GSK3B: variants seen among roughly 807,000 people sequenced by gnomAD.
GSK3B encodes the protein glycogen synthase kinase 3 beta, also known as glycogen synthase kinase-3 beta.
GSK3B carries 15 observed loss-of-function variants against 56.4 expected under a neutral mutation model. The observed-to-expected ratio is 0.27, with a 90% CI of 0.18 to 0.41. The LOEUF (loss-of-function observed/expected upper bound fraction) is 0.41, where lower values mean the gene tolerates loss of function less well. Among genes scored for constraint, GSK3B ranks in the 10% least tolerant of loss-of-function variants. The pLI is 1.00. For synonymous variants in GSK3B, 181 were observed against 188.9 expected (o/e 0.96, Z 0.34); for missense variants, 300 against 513.4 (o/e 0.58, Z 4.02).
At chr3:119,949,011 T>C (rs73175864) in intron 2 of GSK3B, among the ~76,000 whole-genome samples, 2 of 152,174 alleles carry the variant, frequency 1.3e-5, no homozygotes, top group African/African-American at 4.8e-5. Context: ...CTCTATACTT[T>C]GTTAATTCAC....
rs529983244 is a variant in GSK3B at position 119,887,748 on chromosome 3, C to T, written c.814-11240G>A. On this transcript the variant is annotated intron_variant, in intron 7 of 10. Coordinates refer to ENST00000264235, the MANE Select transcript of GSK3B (RefSeq NM_001146156.2). ...ATAAAAACCATGATTATCCCACAAA[C>T]ACAAGAAGTTCAATGAACCTTAATG... Among the ~76,000 whole-genome samples, 82 of 152,092 alleles carry T rather than the reference C, an allele frequency of 5.4e-4. 2 individuals are homozygous for T. The South Asian group carries it at 0.016, about 29-fold the overall frequency.
At chr3:120,070,794 T>G (rs1378193507) in intron 1 of GSK3B, among the ~76,000 whole-genome samples, 1 of 152,238 alleles carries the variant, frequency 6.6e-6, no homozygotes, top group African/African-American at 2.4e-5. Flanking sequence ...GAGTAAAGTC[T>G]AATAGACAGC....
chr3:119,856,643 G>T (rs1338037847), intron 9 of GSK3B, among the ~76,000 whole-genome samples: 3 of 152,060 alleles, frequency 2.0e-5, no homozygotes, highest in Non-Finnish European at 4.4e-5. Context: ...TCCCTGTGGT[G>T]TGTCTCCACT....
chr3:120,033,681 A>C (rs2873968), intron 1 of GSK3B, among the ~76,000 whole-genome samples: 146,344 of 152,220 alleles, frequency 0.96, 70,382 homozygotes, highest in East Asian at 1. Flanking sequence ...TGGGAGTTGA[A>C]TGAATCATGG....
chr3:119,866,903 T>C (rs2056191699), intron 8 of GSK3B, among the ~76,000 whole-genome samples: 1 of 152,150 alleles, frequency 6.6e-6, no homozygotes, highest in Non-Finnish European at 1.5e-5. Flanking sequence ...TAGTTTATTA[T>C]GTTCCAATGC....
At chr3:119,977,079 TA>T (rs1447514123) in intron 2 of GSK3B, among the ~76,000 whole-genome samples, 2 of 152,132 alleles carry the variant, frequency 1.3e-5, no homozygotes, top group Admixed American at 6.5e-5. Context: ...AAGGAGGCAA[TA>T]AAACTATATA....
intron 1 of GSK3B, among the ~76,000 whole-genome samples, chr3:120,015,300 T>C (rs2057814310): frequency 1.3e-5 from 2 of 152,190 alleles, no homozygotes; most frequent in South Asian, 2.1e-4. Flanking sequence ...ACGGTACTTA[T>C]CACAATGCCC....
intron 2 of GSK3B, among the ~76,000 whole-genome samples, chr3:119,996,424 G>A (rs1248074635): frequency 6.6e-6 from 1 of 151,992 alleles, no homozygotes; most frequent in African/African-American, 2.4e-5. Context: ...CAAGGCTTTG[G>A]GTGCTCTCTT....
intron 4 of GSK3B, among the ~76,000 whole-genome samples, chr3:119,918,412 G>C (rs1440067787): frequency 6.6e-6 from 1 of 151,738 alleles, no homozygotes; most frequent in Non-Finnish European, 1.5e-5. Flanking sequence ...AGAGGTTGCA[G>C]TGAACCCAGA....
chr3:120,015,353 A>G (rs1374729567), intron 1 of GSK3B, among the ~76,000 whole-genome samples: 3 of 152,174 alleles, frequency 2.0e-5, no homozygotes, highest in African/African-American at 7.2e-5. Context: ...AAGAGCTCTT[A>G]GAAAAACTAG....
At chr3:119,871,231 T>C (rs1371562435) in intron 8 of GSK3B, among the ~76,000 whole-genome samples, 1 of 152,190 alleles carries the variant, frequency 6.6e-6, no homozygotes, top group African/African-American at 2.4e-5. Context: ...GAGAATTCAA[T>C]TTTCTGCTTA....
intron 5 of GSK3B, among the ~76,000 whole-genome samples, chr3:119,913,243 C>T (rs1006090384): frequency 1.3e-5 from 2 of 152,080 alleles, no homozygotes; most frequent in Admixed American, 1.3e-4. Context: ...TGGCCACTGT[C>T]TTGCATTTTG....
rs868705920 is a variant in GSK3B, at chr3:119,940,105, T to C, written c.366+7163A>G. 4.8e-4 allele frequency among the ~76,000 whole-genome samples: 63 copies of C among 131,936 alleles called. No homozygotes were observed. The Middle Eastern group carries it at 0.011, about 24-fold the overall frequency. 86.6% of individuals were successfully genotyped at this position (131,936 alleles called of 152,430 possible). A position where few individuals can be genotyped will look rare whatever the true frequency, so the allele number is the denominator to read the frequency against. ...TTTCACAGTAACAAAAGTGTGTGTG[T>C]GTGTTTGTGTGTGTGTGTGTGTGTG... On this transcript the variant is annotated intron_variant, in intron 3 of 10. Coordinates refer to ENST00000264235, the MANE Select transcript of GSK3B (RefSeq NM_001146156.2).
chr3:119,922,212 A>AGGAGGGAAGGAAGGAGGGAGGGAG (rs1314680193), intron 4 of GSK3B, among the ~76,000 whole-genome samples: 1 of 113,852 alleles, frequency 8.8e-6, no homozygotes, highest in Non-Finnish European at 1.8e-5. Flanking sequence ...GAAGGAGGGA[A>AGGAGGGAAGGAAGGAGGGAGGGAG]GGAAGGAAGG....
chr3:119,879,944 C>G (rs2108052609), intron 7 of GSK3B, among the ~76,000 whole-genome samples: 1 of 152,296 alleles, frequency 6.6e-6, no homozygotes, highest in South Asian at 2.1e-4. Flanking sequence ...GTGCAGATAC[C>G]TGTTCAATAT....
chr3:119,913,046 G>C (rs2056750744), intron 5 of GSK3B, among the ~76,000 whole-genome samples: 1 of 152,078 alleles, frequency 6.6e-6, no homozygotes, highest in African/African-American at 2.4e-5. Context: ...TGTCACCTAA[G>C]AAGGCACCAA....
At chr3:119,828,760 T>C (rs1236139154) in intron 10 of GSK3B, among the ~76,000 whole-genome samples, 1 of 152,248 alleles carries the variant, frequency 6.6e-6, no homozygotes, top group Non-Finnish European at 1.5e-5. Context: ...AATTTCCCGA[T>C]AAGCTGCCCT....
chr3:120,006,855 T>C lies in GSK3B; in HGVS notation c.89-4616A>G, dbSNP rs183252405. Among the ~76,000 whole-genome samples, 407 of 150,638 alleles carry C rather than the reference T, an allele frequency of 2.7e-3. 1 individual carries two copies. The highest frequency in any genetic ancestry group is 8.6e-3 in the African/African-American group (351 of 40,916). ...ATCCTAACATCACAATTAAAAGAAC[T>C]AGACAAGCAAGAGCAAACAAATTCA... On this transcript the variant is annotated intron_variant, in intron 1 of 10. Transcript: ENST00000264235.
At chr3:119,836,887 A>G (rs2055699402) in intron 10 of GSK3B, among the ~76,000 whole-genome samples, 1 of 152,214 alleles carries the variant, frequency 6.6e-6, no homozygotes, top group Non-Finnish European at 1.5e-5. Flanking sequence ...ATGTTTTATT[A>G]GTTGCTTGGA....
Sources: allele counts gnomAD v4.1 joint callset (sites outside exome capture counted in the v4.1 genomes callset), GRCh38; gene constraint gnomAD v4.1.1; transcripts MANE v1.5; gene names NCBI Gene and HGNC (gene_info 2026-07-23, HGNC 2026-07-21).